The following PRRX2 variants were observed in gnomAD, a reference collection of about 807,000 sequenced individuals.
PRRX2 encodes paired mesoderm homeobox protein 2.
In PRRX2, 11 loss-of-function variants were observed where a neutral mutation model predicts 18.0. The observed-to-expected ratio is 0.61, with a 90% CI of 0.39 to 1.01. PRRX2 has a LOEUF of 1.01. Ranked by LOEUF, PRRX2 falls within the 50% of genes least tolerant of loss-of-function variation. The pLI is 0.01. For missense variants in PRRX2, 387 were observed against 351.0 expected, an observed-to-expected ratio of 1.10 and a Z score of -0.82; for synonymous variants, 177 against 154.8, an observed-to-expected ratio of 1.14 and a Z score of -1.06.
intron 1 of PRRX2, among the ~76,000 whole-genome samples, chr9:129,717,012 T>C (rs1832716774): frequency 6.6e-6 from 1 of 152,106 alleles, no homozygotes; most frequent in Non-Finnish European, 1.5e-5. Flanking sequence ...CAGTGTGTGC[T>C]TGTCAATTTT....
At chr9:129,677,958 C>CTTTTTTTTTTTTTT (rs760645440) in intron 1 of PRRX2, among the ~76,000 whole-genome samples, 4 of 113,116 alleles carry the variant, frequency 3.5e-5, no homozygotes, top group East Asian at 2.4e-4. Flanking sequence ...TTCTTTCTTT[C>CTTTTTTTTTTTTTT]TTTTTTTTTT....
At chr9:129,704,678 C>G (rs1298038456) in intron 1 of PRRX2, among the ~76,000 whole-genome samples, 1 of 152,172 alleles carries the variant, frequency 6.6e-6, no homozygotes, top group Non-Finnish European at 1.5e-5. Context: ...CTCAGTTTTC[C>G]TATCAGCAAA....
At chr9:129,701,820 C>T (rs1470795168) in intron 1 of PRRX2, among the ~76,000 whole-genome samples, 1 of 152,198 alleles carries the variant, frequency 6.6e-6, no homozygotes, top group African/African-American at 2.4e-5. Flanking sequence ...TGTCCTTAGG[C>T]CAGGCGCAGT....
chr9:129,674,973 A>T (rs1226081965), intron 1 of PRRX2, among the ~76,000 whole-genome samples: 2 of 152,050 alleles, frequency 1.3e-5, no homozygotes, highest in Admixed American at 1.3e-4. Context: ...TGCATTCAAT[A>T]GCCCCCTGCC....
At chr9:129,668,220 C>G (rs1324574935) in intron 1 of PRRX2, among the ~76,000 whole-genome samples, 1 of 152,218 alleles carries the variant, frequency 6.6e-6, no homozygotes, top group East Asian at 1.9e-4. Context: ...ACCACTGCCA[C>G]TTGCTGTGGA....
chr9:129,672,325 A>G (rs867903728), intron 1 of PRRX2, among the ~76,000 whole-genome samples: 14 of 152,292 alleles, frequency 9.2e-5, no homozygotes, highest in African/African-American at 3.1e-4. Flanking sequence ...TGTGCTCTGC[A>G]TGTCGGCTGG....
intron 1 of PRRX2, among the ~76,000 whole-genome samples, chr9:129,701,984 C>T (rs1276117015): frequency 3.3e-5 from 5 of 152,170 alleles, no homozygotes; most frequent in Non-Finnish European, 7.3e-5. Flanking sequence ...GCCTGTAATG[C>T]CAGCTACTCA....
chr9:129,685,554 G>A (rs962932901), intron 1 of PRRX2, among the ~76,000 whole-genome samples: 7 of 151,966 alleles, frequency 4.6e-5, no homozygotes, highest in African/African-American at 9.7e-5. Flanking sequence ...TTGTAGAGAC[G>A]AGCGTCTCGA....
At chr9:129,684,460 C>CACACACACACACA (rs1415884580) in intron 1 of PRRX2, among the ~76,000 whole-genome samples, 10,584 of 124,984 alleles carry the variant, frequency 0.085, 633 homozygotes, top group Non-Finnish European at 0.1. Flanking sequence ...ACACACACAC[C>CACACACACACACA]CAACAGAAAA....
chr9:129,699,010 C>G (rs1436428681), intron 1 of PRRX2, among the ~76,000 whole-genome samples: 1 of 152,244 alleles, frequency 6.6e-6, no homozygotes, highest in East Asian at 1.9e-4. Context: ...GGAGGCCCTT[C>G]CCCACAGGAA....
At chr9:129,684,508 ACACACACACACACACCCACACACACCC>A (rs1832277378) in intron 1 of PRRX2, among the ~76,000 whole-genome samples, 1 of 53,848 alleles carries the variant, frequency 1.9e-5, no homozygotes, top group African/African-American at 5.4e-5. Context: ...ACACACACAC[ACACACACACACACACCCACACACACCC>A]CAACAGAAAA....
chr9:129,713,886 G>T (rs111488342), intron 1 of PRRX2, among the ~76,000 whole-genome samples: 15,754 of 150,294 alleles, frequency 0.1, 1,941 homozygotes, highest in East Asian at 0.31. Context: ...CAGGTGTTCC[G>T]CCTGCCTCGA....
Position 129,715,807 on chromosome 9 carries a change from CAT to C in PRRX2, c.260-3423_260-3422del, listed in dbSNP as rs1832699710. ...ACACACACACACTCATTTACAGTCT[CAT>C]GGAGCAATTTAACCTTACATCAAAT... On this transcript the variant is annotated intron_variant, in intron 1 of 3. Coordinates refer to ENST00000372469, the MANE Select transcript of PRRX2 (RefSeq NM_016307.4). The surrounding 1 kb of genome is among the most constrained non-coding windows in gnomAD (Gnocchi z 4.0). Among the ~76,000 whole-genome samples the C allele has an allele frequency of 6.6e-6, 1 of 151,228 alleles. No homozygotes were observed. Among genetic ancestry groups the C allele is most frequent in the Non-Finnish European group, 1.5e-5 (1 of 67,888 alleles).
chr9:129,676,202 G>A (rs545634030), intron 1 of PRRX2, among the ~76,000 whole-genome samples: 18 of 152,312 alleles, frequency 1.2e-4, no homozygotes, highest in Admixed American at 7.8e-4. Context: ...GTCTGTTGGC[G>A]AGGGGTTGGG....
At position 129,675,028 on chromosome 9, in the gene PRRX2, C is replaced by T. The variant is rs1397709887; in HGVS notation, c.259+8902C>T. Among the ~76,000 whole-genome samples, 3 of 152,178 alleles carry T rather than the reference C, an allele frequency of 2.0e-5. No homozygotes were observed. The highest frequency in any genetic ancestry group is 4.4e-5 in the Non-Finnish European group (3 of 68,040). The stretch of plus-strand genomic sequence containing the variant: ...CTGCGGGCTCCTTCCAGAGCTGACT[C>T]TGCCTCCATTACCCTCCTCAGTTTA... On this transcript the variant is annotated intron_variant, in intron 1 of 3. Transcript: ENST00000372469. This position sits in a 1 kb window ranked among gnomAD's most constrained non-coding sequence, Gnocchi z 4.4.
Position 129,720,585 on chromosome 9 carries a change from C to T in PRRX2, c.448-11C>T, listed in dbSNP as rs1256130996. On this transcript the variant is annotated splice_polypyrimidine_tract_variant and intron_variant, in intron 2 of 3. Transcript: ENST00000372469. Reference sequence around the variant, plus strand: ...GCCCATGCTGCACCCTGCTCACCCTCCCACCCACAGGTCTGGTTTCAGAAC... The same window carrying T: ...GCCCATGCTGCACCCTGCTCACCCTTCCACCCACAGGTCTGGTTTCAGAAC... 6.3e-7 allele frequency: 1 copy of T among 1,596,274 alleles called. No homozygotes were observed. The highest frequency in any genetic ancestry group is 1.7e-5 in the Admixed American group (1 of 58,846).
At chr9:129,685,773 GTCAT>G (rs1174770805) in intron 1 of PRRX2, among the ~76,000 whole-genome samples, 2 of 152,214 alleles carry the variant, frequency 1.3e-5, no homozygotes, top group Non-Finnish European at 2.9e-5. Flanking sequence ...TGGTTTGTGA[GTCAT>G]TCATTCATTC....
In PRRX2 at chr9:129,715,747, T is replaced by TTCTCTCTCTCTCTCTCTC. The variant is rs111270890; in HGVS notation, c.260-3480_260-3479insTCTCTCTCTCTCTCTCTC. 3.5e-5 allele frequency among the ~76,000 whole-genome samples: 4 copies of TTCTCTCTCTCTCTCTCTC among 112,786 alleles called. No homozygotes were observed. Among genetic ancestry groups the TTCTCTCTCTCTCTCTCTC allele is most frequent in the South Asian group, 6.0e-4 (2 of 3,318 alleles). 74.0% of individuals were successfully genotyped at this position (112,786 alleles called of 152,430 possible). On this transcript the variant is annotated intron_variant, in intron 1 of 3. Transcript: ENST00000372469. The surrounding 1 kb of genome is among the most constrained non-coding windows in gnomAD (Gnocchi z 4.0). Reference sequence around the variant, plus strand: ...TCCAAACCCAGCTTCAGGGACATCTTTCTCACACACACACACACACACACA... The same window carrying TTCTCTCTCTCTCTCTCTC: ...TCCAAACCCAGCTTCAGGGACATCTTTCTCTCTCTCTCTCTCTCTCTCACACACACACACACACACACA...
At chr9:129,690,180 C>G (rs372794376) in intron 1 of PRRX2, among the ~76,000 whole-genome samples, 1 of 152,308 alleles carries the variant, frequency 6.6e-6, no homozygotes, top group East Asian at 1.9e-4. Context: ...TCCTCCTCTC[C>G]GCTGCGATCC....
Sources: allele counts gnomAD v4.1 joint callset (sites outside exome capture counted in the v4.1 genomes callset), GRCh38; gene constraint gnomAD v4.1.1; non-coding constraint Gnocchi (gnomAD v3.1); transcripts MANE v1.5; gene names NCBI Gene and HGNC (gene_info 2026-07-23, HGNC 2026-07-21).